The following CUX1 variants were observed in gnomAD, a reference collection of about 807,000 sequenced individuals.
CUX1 encodes cut like homeobox 1.
CUX1 carries 31 observed loss-of-function variants against 158.8 expected under a neutral mutation model. The ratio of observed to expected loss-of-function variants is 0.20; its 90% CI spans 0.15 to 0.26. The LOEUF is 0.26. Ranked by LOEUF, CUX1 falls within the 10% of genes least tolerant of loss-of-function variation. The probability of loss-of-function intolerance (pLI) is 1.00; values close to 1 mark genes in which losing one functional copy is unlikely to be tolerated. For missense variants in CUX1, 1,589 were observed against 2,014.6 expected, an observed-to-expected ratio of 0.79 and a Z score of 4.04; for synonymous variants, 879 against 862.1, an observed-to-expected ratio of 1.02 and a Z score of -0.34.
intron 2 of CUX1, among the ~76,000 whole-genome samples, chr7:101,954,319 C>A (rs556101150): frequency 1.3e-5 from 2 of 152,314 alleles, no homozygotes; most frequent in East Asian, 3.9e-4. Context: ...CACTGCACTC[C>A]AGCCTGGGTG....
chr7:101,976,104 A>T (rs1041814484), intron 2 of CUX1, among the ~76,000 whole-genome samples: 8 of 152,174 alleles, frequency 5.3e-5, no homozygotes, highest in African/African-American at 1.9e-4. Flanking sequence ...CTGCACTCCA[A>T]CCTGGGCACA....
chr7:102,070,940 TA>T (rs1264471761), intron 4 of CUX1, among the ~76,000 whole-genome samples: 168 of 147,272 alleles, frequency 1.1e-3, no homozygotes, highest in East Asian at 3.7e-3. Context: ...TTGTTTCTTT[TA>T]TTTTTTTTTT....
chr7:102,272,237 G>A lies in CUX1; in HGVS notation c.1256-1129G>A, dbSNP rs569042627. Among the ~76,000 whole-genome samples the A allele has an allele frequency of 3.9e-5, 6 of 152,334 alleles. No homozygotes were observed. In the South Asian group the frequency reaches 1.0e-3, roughly 26 times the overall value. On this transcript the variant is annotated intron_variant, in intron 14 of 22. Coordinates refer to the CUX1 transcript ENST00000292538. ...CCCAGGAGCATGTGGGGGTGAGGCT[G>A]GGCTGCCCCATCCTGGCCCAGGACA...
chr7:101,880,413 C>T (rs184513250), intron 1 of CUX1, among the ~76,000 whole-genome samples: 1 of 152,092 alleles, frequency 6.6e-6, no homozygotes, highest in Non-Finnish European at 1.5e-5. Flanking sequence ...TCCCCAGACC[C>T]CTCTCATCGG....
At chr7:101,997,465 TC>T (rs1397945082) in intron 2 of CUX1, among the ~76,000 whole-genome samples, 1 of 151,272 alleles carries the variant, frequency 6.6e-6, no homozygotes, top group African/African-American at 2.5e-5. Flanking sequence ...TGCCCCAGCC[TC>T]CCGAATAGCT....
At chr7:102,078,134 G>A (rs1448731168) in intron 4 of CUX1, among the ~76,000 whole-genome samples, 4 of 152,056 alleles carry the variant, frequency 2.6e-5, no homozygotes, top group African/African-American at 9.7e-5. Context: ...AACCTGGAGT[G>A]CACTGGTACC....
intron 3 of CUX1, among the ~76,000 whole-genome samples, chr7:102,033,771 A>G (rs1049048907): frequency 2.0e-5 from 3 of 152,202 alleles, no homozygotes; most frequent in African/African-American, 7.2e-5. Flanking sequence ...AAGAGCGAGC[A>G]CTTCTTAACT....
At chr7:102,208,956 G>A (rs552140095) in intron 20 of CUX1, among the ~76,000 whole-genome samples, 5 of 152,300 alleles carry the variant, frequency 3.3e-5, no homozygotes, top group East Asian at 3.9e-4. Flanking sequence ...AGGTAGGCAG[G>A]GACTTTGGAC....
chr7:102,272,643 A>G (rs1554546517), intron 14 of CUX1, among the ~76,000 whole-genome samples: 1 of 152,188 alleles, frequency 6.6e-6, no homozygotes, highest in Non-Finnish European at 1.5e-5. Context: ...CTGCCTGGCA[A>G]TGCGTGCTTG....
intron 1 of CUX1, among the ~76,000 whole-genome samples, chr7:101,897,325 C>T (rs184517287): frequency 2.5e-4 from 38 of 152,156 alleles, no homozygotes. Flanking sequence ...CATATCGAGG[C>T]CTCATTTCTA....
At chr7:101,894,770 A>G (rs1801284213) in intron 1 of CUX1, among the ~76,000 whole-genome samples, 1 of 152,212 alleles carries the variant, frequency 6.6e-6, no homozygotes, top group South Asian at 2.1e-4. Context: ...TGGTGGGGAC[A>G]GCACTGCTGT....
intron 2 of CUX1, among the ~76,000 whole-genome samples, chr7:101,966,657 G>A (rs966580093): frequency 6.6e-6 from 1 of 152,174 alleles, no homozygotes; most frequent in East Asian, 1.9e-4. Context: ...TGGAGGGAAG[G>A]ATAGAAAGAG....
intron 21 of CUX1, among the ~76,000 whole-genome samples, chr7:102,230,273 C>T (rs1430755385): frequency 6.6e-6 from 1 of 151,568 alleles, no homozygotes; most frequent in African/African-American, 2.4e-5. Context: ...GCCAGGAGTT[C>T]GAGACCAGCC....
chr7:102,225,982 G>T (rs1342183664), intron 20 of CUX1, among the ~76,000 whole-genome samples: 1 of 152,268 alleles, frequency 6.6e-6, no homozygotes, highest in African/African-American at 2.4e-5. Context: ...TGCCTTGCAG[G>T]CAGGACCTCA....
At position 102,098,382 on chromosome 7, in the gene CUX1, T is replaced by C. The variant is rs575759246; in HGVS notation, c.406+881T>C. On this transcript the variant is annotated intron_variant, in intron 5 of 23. Transcript: ENST00000292535. Reference sequence around the variant, plus strand: ...ATCCCAGCGCTTTGAGAGGCCAAGGTGGGAGGACTGCTTGAGGCCAGAAGT... The same window carrying C: ...ATCCCAGCGCTTTGAGAGGCCAAGGCGGGAGGACTGCTTGAGGCCAGAAGT... Among the ~76,000 whole-genome samples, 53 of 152,130 alleles carry C rather than the reference T, an allele frequency of 3.5e-4. No individual in the cohort carries two copies. The South Asian group carries it at 5.8e-3, about 17-fold the overall frequency.
intron 2 of CUX1, among the ~76,000 whole-genome samples, chr7:102,019,243 T>C (rs978991777): frequency 6.6e-6 from 1 of 152,146 alleles, no homozygotes; most frequent in East Asian, 1.9e-4. Flanking sequence ...TTGTTTGTTT[T>C]TTGAGACATA....
chr7:101,851,618 C>T (rs980597431), intron 1 of CUX1, among the ~76,000 whole-genome samples: 7 of 152,304 alleles, frequency 4.6e-5, no homozygotes, highest in African/African-American at 1.4e-4. Context: ...TTCTAGCATC[C>T]GTCAAGGGCG....
At chr7:102,146,910 T>C (rs1835081528) in intron 8 of CUX1, among the ~76,000 whole-genome samples, 2 of 152,316 alleles carry the variant, frequency 1.3e-5, no homozygotes, top group South Asian at 4.1e-4. Context: ...AAACTTGTTT[T>C]TAATCATTAC....
At chr7:102,001,319 CTT>C (rs1273677519) in intron 2 of CUX1, among the ~76,000 whole-genome samples, 3 of 151,944 alleles carry the variant, frequency 2.0e-5, no homozygotes, top group Non-Finnish European at 2.9e-5. Flanking sequence ...TGTTCCTTGT[CTT>C]TTAACTGAAA....
Sources: allele counts gnomAD v4.1 joint callset (sites outside exome capture counted in the v4.1 genomes callset), GRCh38; gene constraint gnomAD v4.1.1; transcripts MANE v1.5; gene names NCBI Gene and HGNC (gene_info 2026-07-23, HGNC 2026-07-21).